The following CCDC144A variants were observed in gnomAD, a reference collection of about 807,000 sequenced individuals.
CCDC144A encodes the protein coiled-coil domain containing 144A.
In CCDC144A, 41 loss-of-function variants were observed where a neutral mutation model predicts 143.8. The observed-to-expected ratio is 0.29, with a 90% confidence interval of 0.22 to 0.37. The LOEUF is 0.37. Among genes scored for constraint, CCDC144A ranks in the 10% least tolerant of loss-of-function variants. CCDC144A has a pLI of 1.00. For missense variants in CCDC144A, 637 were observed against 1,488.8 expected (o/e 0.43, Z 9.41); for synonymous variants, 242 against 517.9 (o/e 0.47, Z 7.23).
chr17:16,761,156 T>C (rs1281735188), intron 12 of CCDC144A, among the ~76,000 whole-genome samples: 6 of 151,694 alleles, frequency 4.0e-5, no homozygotes, highest in African/African-American at 1.2e-4. Context: ...TGAAACCCCA[T>C]CTACTAAAAA....
At chr17:16,692,092 C>T (rs1911121894) in intron 1 of CCDC144A, among the ~76,000 whole-genome samples, 1 of 152,040 alleles carries the variant, frequency 6.6e-6, no homozygotes, top group Non-Finnish European at 1.5e-5. Context: ...CAGTATGTAT[C>T]TCAGAAATGA....
intron 8 of CCDC144A, among the ~76,000 whole-genome samples, chr17:16,726,402 T>A (rs2649290): frequency 0.16 from 21,474 of 137,500 alleles, 2,899 homozygotes; most frequent in African/African-American, 0.36. Flanking sequence ...AAAAGAGAGA[T>A]AAAAAAAAAA....
chr17:16,677,190 C>G, the CCDC144A span, among the ~76,000 whole-genome samples: 2 of 151,986 alleles, frequency 1.3e-5, no homozygotes, highest in African/African-American at 4.8e-5. Flanking sequence ...CTTCCCTCCA[C>G]TTCTTCTAGT....
chr17:16,711,163 A>AAAAAAAAAAAAAAAAAAAATAATG (rs1912418050), intron 5 of CCDC144A, among the ~76,000 whole-genome samples: 1 of 142,192 alleles, frequency 7.0e-6, no homozygotes, highest in Non-Finnish European at 1.5e-5. Flanking sequence ...AAAAAACAAA[A>AAAAAAAAAAAAAAAAAAAATAATG]GTTAGTGGGG....
intron 12 of CCDC144A, among the ~76,000 whole-genome samples, chr17:16,754,891 A>G (rs1915000568): frequency 6.6e-6 from 1 of 152,194 alleles, no homozygotes; most frequent in Non-Finnish European, 1.5e-5. Flanking sequence ...TGTTTGCCTT[A>G]TATATCTGTG....
At chr17:16,681,028 A>T in the CCDC144A span, among the ~76,000 whole-genome samples, 1 of 152,078 alleles carries the variant, frequency 6.6e-6, no homozygotes, top group Non-Finnish European at 1.5e-5. Context: ...TGGAACAAAG[A>T]TATTCTTAAT....
At position 16,753,993 on chromosome 17, in the gene CCDC144A, C is replaced by T. The variant is rs184674387; in HGVS notation, c.3373-7432C>T. On this transcript the variant is annotated intron_variant, in intron 12 of 16. Transcript: ENST00000399273. ...CTTTCTTTGTTGGTAAACTTTATTA[C>T]TGATTCAATTACATTACCGTTACTG... is the stretch of plus-strand genomic sequence containing the variant. Among the ~76,000 whole-genome samples the T allele has an allele frequency of 2.0e-5, 3 of 152,346 alleles. No individual in the cohort carries two copies. The East Asian group carries it at 5.8e-4, about 29-fold the overall frequency.
At chr17:16,756,210 A>G (rs1339836900) in intron 12 of CCDC144A, among the ~76,000 whole-genome samples, 1 of 152,124 alleles carries the variant, frequency 6.6e-6, no homozygotes, top group Non-Finnish European at 1.5e-5. Context: ...GCCTTTTCCC[A>G]TCTCTTCTAT....
rs1164463650 is a variant in CCDC144A, at chr17:16,776,203, A to G, written c.*2570A>G. 6.6e-6 allele frequency: 1 copy of G among 152,252 alleles called. No individual in the cohort carries two copies. The allele number at this position is 152,252 out of a possible 1,614,324, so 9.4% of individuals were successfully genotyped here. ...GCTATTTGGGCTCTTTTTTGGTTCC[A>G]TATGAATTTTAAAATAGCTTTTTCT... is the stretch of plus-strand genomic sequence containing the variant. On this transcript the variant is annotated 3_prime_UTR_variant, in exon 17 of 17. Transcript: ENST00000399273.
At chr17:16,752,399 G>A (rs1369859560) in intron 12 of CCDC144A, among the ~76,000 whole-genome samples, 1 of 152,182 alleles carries the variant, frequency 6.6e-6, no homozygotes, top group Non-Finnish European at 1.5e-5. Context: ...TGTTGCAGAG[G>A]GAGCACACCC....
the CCDC144A span, among the ~76,000 whole-genome samples, chr17:16,668,940 C>T: frequency 6.6e-6 from 1 of 152,082 alleles, no homozygotes; most frequent in Admixed American, 6.6e-5. Flanking sequence ...TTTCCAAATC[C>T]CATCACACTC....
At chr17:16,704,113 G>C (rs2143091465) in intron 2 of CCDC144A, among the ~76,000 whole-genome samples, 1 of 152,272 alleles carries the variant, frequency 6.6e-6, no homozygotes, top group Admixed American at 6.5e-5. Flanking sequence ...GGACTTTAAA[G>C]TTTCACTTAT....
chr17:16,688,448 A>C (rs952005791), upstream of CCDC144A, among the ~76,000 whole-genome samples: 2 of 146,752 alleles, frequency 1.4e-5, no homozygotes, highest in African/African-American at 5.1e-5. Context: ...TTATGCCAAG[A>C]TTGAGGAGGC....
chr17:16,771,937 A>C (rs2688054), intron 15 of CCDC144A, 40 bp from the exon 16 acceptor site: 42 of 1,473,386 alleles, frequency 2.9e-5, no homozygotes, highest in African/African-American at 4.3e-5. Flanking sequence ...ATGATAATGT[A>C]TCTTCTTAAA....
intron 2 of CCDC144A, among the ~76,000 whole-genome samples, chr17:16,695,075 T>G (rs1054859286): frequency 2.6e-5 from 4 of 152,208 alleles, no homozygotes; most frequent in African/African-American, 9.7e-5. Context: ...CTTCTCTAAG[T>G]TAGGTTTTGC....
At chr17:16,669,705 A>G in the CCDC144A span, among the ~76,000 whole-genome samples, 1 of 152,172 alleles carries the variant, frequency 6.6e-6, no homozygotes, top group Non-Finnish European at 1.5e-5. Context: ...TGGCTATTGG[A>G]CACCATACCT....
At chr17:16,714,666 C>T (rs1912640790) in intron 6 of CCDC144A, among the ~76,000 whole-genome samples, 1 of 151,652 alleles carries the variant, frequency 6.6e-6, no homozygotes, top group South Asian at 2.1e-4. Context: ...AAAGAAACCT[C>T]TTTTCATTAA....
At chr17:16,704,306 T>A (rs1363662886) in intron 2 of CCDC144A, among the ~76,000 whole-genome samples, 1 of 152,000 alleles carries the variant, frequency 6.6e-6, no homozygotes, top group South Asian at 2.1e-4. Flanking sequence ...TAAAAAAAAA[T>A]TAGCCGGGCG....
chr17:16,715,386 C>T (rs1414388874), intron 6 of CCDC144A, among the ~76,000 whole-genome samples: 1 of 150,878 alleles, frequency 6.6e-6, no homozygotes, highest in Non-Finnish European at 1.5e-5. Context: ...AAATTATATG[C>T]GTTTTTGGAT....
Sources: allele counts gnomAD v4.1 joint callset (sites outside exome capture counted in the v4.1 genomes callset), GRCh38; gene constraint gnomAD v4.1.1; transcripts MANE v1.5; gene names NCBI Gene and HGNC (gene_info 2026-07-23, HGNC 2026-07-21).